Variants in ARB2A observed in about 807,000 individuals in gnomAD.
ARB2A encodes cotranscriptional regulator ARB2A.
chr5:93,685,815 G>A, the ARB2A span, among the ~76,000 whole-genome samples: 1 of 152,130 alleles, frequency 6.6e-6, no homozygotes, highest in Non-Finnish European at 1.5e-5. Flanking sequence ...CAGGCCTTGA[G>A]TATGGGCTTC....
chr5:94,074,243 C>T, the ARB2A span, among the ~76,000 whole-genome samples: 199 of 152,140 alleles, frequency 1.3e-3, no homozygotes, highest in Middle Eastern at 0.014. Flanking sequence ...CATGTATAAA[C>T]CTCTCATAAA....
At chr5:93,876,253 T>G in the ARB2A span, among the ~76,000 whole-genome samples, 1 of 152,318 alleles carries the variant, frequency 6.6e-6, no homozygotes, top group South Asian at 2.1e-4. Context: ...ATTTTCTGTT[T>G]TCACTCTTGA....
At chr5:93,682,732 A>G in the ARB2A span, 1 of 696,954 alleles carries the variant, frequency 1.4e-6, no homozygotes, top group Non-Finnish European at 2.6e-6. Context: ...CAAACACGGT[A>G]GAGAAAGTTC....
chr5:94,010,806 C>G, the ARB2A span, among the ~76,000 whole-genome samples: 6 of 151,284 alleles, frequency 4.0e-5, no homozygotes, highest in East Asian at 1.2e-3. Flanking sequence ...TACATAAAAA[C>G]AAAAGGAAAA....
the ARB2A span, among the ~76,000 whole-genome samples, chr5:93,788,250 GT>G: frequency 6.6e-6 from 1 of 152,140 alleles, no homozygotes; most frequent in South Asian, 2.1e-4. Flanking sequence ...CAGAGTAAGA[GT>G]TAAAAAATTA....
chr5:94,020,274 T>C, the ARB2A span, among the ~76,000 whole-genome samples: 1 of 96,070 alleles, frequency 1.0e-5, no homozygotes, highest in South Asian at 3.4e-4. Context: ...TGGGGCCTGT[T>C]GGTGGGTAGG....
the ARB2A span, among the ~76,000 whole-genome samples, chr5:93,794,312 T>C: frequency 4.6e-5 from 7 of 152,176 alleles, no homozygotes; most frequent in African/African-American, 1.7e-4. Context: ...ACTGAAGAAC[T>C]TTCCTTTCAT....
At chr5:93,828,028 G>A in the ARB2A span, among the ~76,000 whole-genome samples, 1 of 152,272 alleles carries the variant, frequency 6.6e-6, no homozygotes, top group Non-Finnish European at 1.5e-5. Context: ...GTAGTGTGAT[G>A]CCTCCAGCTT....
chr5:94,045,153 AAGGAAGTT>A, the ARB2A span, among the ~76,000 whole-genome samples: 1 of 150,694 alleles, frequency 6.6e-6, no homozygotes, highest in South Asian at 2.1e-4. Flanking sequence ...CCAAAATAAA[AAGGAAGTT>A]ACCCTATATG....
chr5:93,942,282 C>G, the ARB2A span, among the ~76,000 whole-genome samples: 1 of 152,156 alleles, frequency 6.6e-6, no homozygotes, highest in East Asian at 1.9e-4. Flanking sequence ...CAGTAATGTG[C>G]TAAGCTTTTA....
the ARB2A span, among the ~76,000 whole-genome samples, chr5:94,106,154 C>G: frequency 1.3e-5 from 2 of 151,916 alleles, no homozygotes. Flanking sequence ...AACTAAAGAG[C>G]CTCTACACAG....
At chr5:93,977,303 A>C in the ARB2A span, among the ~76,000 whole-genome samples, 19 of 152,082 alleles carry the variant, frequency 1.2e-4, no homozygotes, top group South Asian at 3.9e-3. Flanking sequence ...GCCAAACCTA[A>C]GCAAAAAAAA....
At chr5:93,981,354 C>A in the ARB2A span, among the ~76,000 whole-genome samples, 1 of 152,034 alleles carries the variant, frequency 6.6e-6, no homozygotes, top group African/African-American at 2.4e-5. Context: ...TAGGCATGAG[C>A]CACCATGCCC....
chr5:94,095,064 G>T, the ARB2A span, among the ~76,000 whole-genome samples: 1 of 152,318 alleles, frequency 6.6e-6, no homozygotes, highest in South Asian at 2.1e-4. Context: ...AGAAGACAGA[G>T]TGTTCAGAGT....
chr5:93,865,501 A>G, the ARB2A span: 1 of 985,404 alleles, frequency 1.0e-6, no homozygotes, highest in South Asian at 4.7e-5. Flanking sequence ...AATGTAACCT[A>G]TAACTGGCAT....
chr5:94,012,589 T>TA, the ARB2A span, among the ~76,000 whole-genome samples: 156 of 152,264 alleles, frequency 1.0e-3, 1 homozygote, highest in Admixed American at 2.6e-3. Flanking sequence ...AAAGCCATGC[T>TA]AAATCAGCGG....
At chr5:93,806,380 T>G in the ARB2A span, among the ~76,000 whole-genome samples, 4 of 151,962 alleles carry the variant, frequency 2.6e-5, no homozygotes, top group Non-Finnish European at 4.4e-5. Flanking sequence ...ATTTATATAC[T>G]ATTAACAATT....
At chr5:94,096,937 C>A in the ARB2A span, among the ~76,000 whole-genome samples, 3 of 152,156 alleles carry the variant, frequency 2.0e-5, no homozygotes, top group Non-Finnish European at 4.4e-5. Flanking sequence ...CCTACTCTCA[C>A]CATGGACCTC....
chr5:93,826,647 A>G, the ARB2A span, among the ~76,000 whole-genome samples: 23 of 152,070 alleles, frequency 1.5e-4, no homozygotes, highest in African/African-American at 5.5e-4. Context: ...CACAATGTGC[A>G]GGTTTGTTAC....
Sources: allele counts gnomAD v4.1 joint callset (sites outside exome capture counted in the v4.1 genomes callset), GRCh38; gene constraint gnomAD v4.1.1; transcripts MANE v1.5; gene names NCBI Gene and HGNC (gene_info 2026-07-23, HGNC 2026-07-21).